Variants in ENPP1 observed in about 807,000 individuals in gnomAD.
ENPP1 encodes the protein ectonucleotide pyrophosphatase/phosphodiesterase family member 1.
A neutral mutation model predicts 122.8 loss-of-function variants in ENPP1; 73 were observed. The observed-to-expected ratio is 0.59, with a 90% CI of 0.49 to 0.72. The LOEUF (loss-of-function observed/expected upper bound fraction) is 0.72. Ranked by LOEUF, ENPP1 falls within the 30% of genes least tolerant of loss-of-function variation. The probability of loss-of-function intolerance (pLI) is 0.00; values close to 1 mark genes in which losing one functional copy is unlikely to be tolerated. For synonymous variants in ENPP1, 367 were observed against 391.6 expected (o/e 0.94, Z 0.74); for missense variants, 978 against 1,128.1 (o/e 0.87, Z 1.91).
intron 1 of ENPP1, among the ~76,000 whole-genome samples, chr6:131,834,658 G>C (rs1781652109): frequency 6.6e-6 from 1 of 151,816 alleles, no homozygotes; most frequent in African/African-American, 2.4e-5. Context: ...AGGCCCCTGA[G>C]TTGCTAGGAT....
chr6:131,839,067 C>T lies in ENPP1; in HGVS notation c.241-8709C>T, dbSNP rs370250024. Among the ~76,000 whole-genome samples the T allele has an allele frequency of 8.5e-5, 13 of 152,254 alleles. No individual in the cohort carries two copies. The East Asian group carries it at 2.3e-3, about 27-fold the overall frequency. ...GAGAAACGAACTCTAATCTTACCAT[C>T]CTTACAGCCTAGTTTATGAAGTTAG... On this transcript the variant is annotated intron_variant, in intron 1 of 24. Transcript: ENST00000647893.
intron 22 of ENPP1, among the ~76,000 whole-genome samples, chr6:131,884,569 C>T (rs1484372115): frequency 6.6e-6 from 1 of 152,126 alleles, no homozygotes; most frequent in Non-Finnish European, 1.5e-5. Flanking sequence ...GCCAGGAGTT[C>T]AAGATCAGCC....
At chr6:131,820,161 G>T in intron 1 of ENPP1, 1 of 300,410 alleles carries the variant, frequency 3.3e-6, no homozygotes, top group South Asian at 4.1e-5. Context: ...GAATTTTGGT[G>T]TGGTTTTAAA....
Position 131,808,101 on chromosome 6 carries a change from G to T in ENPP1, c.66G>T (p.Glu22Asp). ...RGGEGGRAPR[E>D]GPAGNGRDRG... is the part of the protein sequence containing the mutation. ...GCGAGGGCGGGCGCGCTCCCCGGGA[G>T]GGCCCGGCGGGGAACGGCCGCGATC... The change falls in exon 1 of 25, where the codon GAG becomes GAT. Residue 22 changes from glutamate (E) to aspartate (D), a missense_variant. This residue lies in a region of ENPP1 where 330 missense variants were observed against 328.5 expected (regional missense o/e 1.00). Transcript: ENST00000647893. 8.5e-7 allele frequency: 1 copy of T among 1,182,034 alleles called. No individual in the cohort carries two copies. Among genetic ancestry groups the T allele is most frequent in the Admixed American group, 4.7e-5 (1 of 21,340 alleles). 73.2% of individuals were successfully genotyped at this position (1,182,034 alleles called of 1,614,324 possible). A position where few individuals can be genotyped will look rare whatever the true frequency, so the allele number is the denominator to read the frequency against.
intron 23 of ENPP1, among the ~76,000 whole-genome samples, chr6:131,886,003 C>T (rs370976176): frequency 4.6e-5 from 7 of 152,302 alleles, no homozygotes; most frequent in Admixed American, 2.6e-4. Flanking sequence ...AAAACAAACA[C>T]AGCCTTAAAA....
chr6:131,848,433 T>TA (rs1781840947), intron 2 of ENPP1, among the ~76,000 whole-genome samples: 1 of 152,148 alleles, frequency 6.6e-6, no homozygotes, highest in South Asian at 2.1e-4. Flanking sequence ...CCTCTCGCAA[T>TA]AAAATCATTG....
chr6:131,873,266 G>C (rs1474657405), intron 15 of ENPP1, among the ~76,000 whole-genome samples: 1 of 152,002 alleles, frequency 6.6e-6, no homozygotes, highest in African/African-American at 2.4e-5. Context: ...TATTTGACAA[G>C]GATCCTTTAC....
At chr6:131,853,105 T>A (rs945896336) in intron 5 of ENPP1, among the ~76,000 whole-genome samples, 3 of 152,150 alleles carry the variant, frequency 2.0e-5, no homozygotes, top group African/African-American at 7.2e-5. Context: ...ACTATTAAAA[T>A]TTTTAAGCTG....
At chr6:131,864,422 A>G (rs1238908674) in intron 9 of ENPP1, 84 bp from the exon 10 acceptor site, 2 of 871,100 alleles carry the variant, frequency 2.3e-6, no homozygotes, top group Non-Finnish European at 3.8e-6. Flanking sequence ...AGTAGCTCTT[A>G]ATGACATTTT....
intron 1 of ENPP1, among the ~76,000 whole-genome samples, chr6:131,843,089 T>C (rs1042948421): frequency 1.3e-5 from 2 of 152,170 alleles, no homozygotes; most frequent in East Asian, 1.9e-4. Context: ...TAAATTGTTA[T>C]GGAGATTAAA....
intron 1 of ENPP1, chr6:131,827,589 A>G (rs1485633004): frequency 3.4e-6 from 2 of 593,030 alleles, no homozygotes; most frequent in Non-Finnish European, 3.1e-6. Context: ...GTTAAAAAAT[A>G]TGGAACATAA....
chr6:131,854,963 G>A lies in ENPP1; in HGVS notation c.655G>A (p.Gly219Arg). Residue 219 changes from glycine to arginine, a missense_variant, in exon 6 of 25, where the codon GGA (glycine) becomes AGA (arginine). Gly to Arg is a moderately radical substitution (Grantham distance 125, BLOSUM62 -2). Transcript: ENST00000647893. ...TPPTLLFSLD[G>R]FRAEYLHTWG... ...TCCTACCCTCTTATTTTCTTTGGATGGATTCAGGGCAGAATATTTACACAC... is the reference window on the plus strand; with the variant it reads ...TCCTACCCTCTTATTTTCTTTGGATAGATTCAGGGCAGAATATTTACACAC... The A allele has an allele frequency of 6.2e-7, 1 of 1,613,610 alleles. No homozygotes were observed. The highest frequency in any genetic ancestry group is 1.1e-5 in the South Asian group (1 of 91,060).
chr6:131,808,388 T>C (rs1781308215), intron 1 of ENPP1, 113 bp downstream of exon 1: 1 of 1,272,940 alleles, frequency 7.9e-7, no homozygotes, highest in Admixed American at 3.8e-5. Context: ...AGAGGCATGG[T>C]CCGGGAGTGC....
Position 131,861,590 on chromosome 6 carries a change from T to C in ENPP1, c.916-5T>C. 4 of 1,580,804 alleles carry C rather than the reference T, an allele frequency of 2.5e-6. No homozygotes were observed. Among genetic ancestry groups the C allele is most frequent in the Admixed American group, 1.7e-5 (1 of 59,974 alleles). ...TTCTTAATTTTCCTTCATTTTCTGC[T>C]CCAGATTTGGGTCACAGCTAAGTAT... On this transcript the variant is annotated splice_region_variant and splice_polypyrimidine_tract_variant and intron_variant, in intron 8 of 24. Coordinates refer to ENST00000647893, the MANE Select transcript of ENPP1 (RefSeq NM_006208.3).
intron 20 of ENPP1, among the ~76,000 whole-genome samples, chr6:131,882,058 T>TAA (rs59854617): frequency 6.6e-6 from 1 of 151,160 alleles, no homozygotes; most frequent in African/African-American, 2.4e-5. Flanking sequence ...AATAAATAAA[T>TAA]ATTTAAAATT....
chr6:131,825,331 A>G (rs767216280), intron 1 of ENPP1, among the ~76,000 whole-genome samples: 28 of 152,150 alleles, frequency 1.8e-4, no homozygotes, highest in Non-Finnish European at 3.5e-4. Flanking sequence ...CCACTTCGTA[A>G]CTTTTTTTAT....
At chr6:131,829,682 T>TG (rs1781586537) in intron 1 of ENPP1, among the ~76,000 whole-genome samples, 1 of 152,160 alleles carries the variant, frequency 6.6e-6, no homozygotes, top group South Asian at 2.1e-4. Context: ...AAACAGGGAA[T>TG]GGTAGGACCC....
rs181503708 is a variant in ENPP1 at position 131,874,350 on chromosome 6, A to G, written c.1635+13A>G. 2.1e-6 allele frequency: 3 copies of G among 1,413,292 alleles called. No homozygotes were observed. In the East Asian group the frequency reaches 6.9e-5, roughly 32 times the overall value. The allele number at this position is 1,413,292 out of a possible 1,614,324, so 87.5% of individuals were successfully genotyped here. A position where few individuals can be genotyped will look rare whatever the true frequency, so the allele number is the denominator to read the frequency against. ...TTCAAATATGCAAGTGAGTAAACCT[A>G]TTATACTTAATTGGATTAAATCTAA... is the stretch of plus-strand genomic sequence containing the variant. On this transcript the variant is annotated intron_variant, in intron 16 of 24. Transcript: ENST00000647893.
Position 131,842,209 on chromosome 6 carries a change from T to G in ENPP1, c.241-5567T>G, listed in dbSNP as rs149885692. Among the ~76,000 whole-genome samples, 4 of 152,334 alleles carry G rather than the reference T, an allele frequency of 2.6e-5. No individual in the cohort carries two copies. In the East Asian group the frequency reaches 7.7e-4, roughly 29 times the overall value. On this transcript the variant is annotated intron_variant, in intron 1 of 24. Transcript: ENST00000647893. ...ATAGTTTGGATTAAATGATTTAATA[T>G]AAAACTCTTAGAAAAGTGCCCGGCA...
Sources: allele counts gnomAD v4.1 joint callset (sites outside exome capture counted in the v4.1 genomes callset), GRCh38; gene constraint gnomAD v4.1.1; regional missense constraint gnomAD v4.1.1; transcripts MANE v1.5; gene names NCBI Gene and HGNC (gene_info 2026-07-23, HGNC 2026-07-21).